KIRREL2: variants seen among roughly 807,000 people sequenced by gnomAD.
The protein encoded by KIRREL2 is kin of IRRE-like protein 2.
A neutral mutation model predicts 73.4 loss-of-function variants in KIRREL2; 56 were observed. The ratio of observed to expected loss-of-function variants is 0.76; its 90% confidence interval spans 0.62 to 0.95. The LOEUF (loss-of-function observed/expected upper bound fraction) is 0.95. KIRREL2 is among the 40% of genes least tolerant of loss of function. KIRREL2 has a pLI of 0.00. For missense variants in KIRREL2, 896 were observed against 935.0 expected, an observed-to-expected ratio of 0.96 and a Z score of 0.54; for synonymous variants, 407 against 404.0, an observed-to-expected ratio of 1.01 and a Z score of -0.09.
chr19:35,851,756 G>A, upstream of KIRREL2: 1 of 1,555,524 alleles, frequency 6.4e-7, no homozygotes, highest in Non-Finnish European at 8.7e-7. Context: ...TTGGCGCTGG[G>A]TACAAGGCTG....
chr19:35,852,233 T>C (rs1417815502), upstream of KIRREL2, among the ~76,000 whole-genome samples: 2 of 151,984 alleles, frequency 1.3e-5, no homozygotes, highest in South Asian at 2.1e-4. Context: ...CCAGTCTCTT[T>C]ATCTTTCCAT....
chr19:35,856,248 C>T (rs1973418290), upstream of KIRREL2, among the ~76,000 whole-genome samples: 3 of 152,192 alleles, frequency 2.0e-5, no homozygotes, highest in African/African-American at 7.2e-5. The surrounding 1 kb of genome is among the most constrained non-coding windows in gnomAD (Gnocchi z 5.9). Context: ...GGCACCGCCG[C>T]CTCCCAGCCG....
chr19:35,863,141 G>A, intron 13 of KIRREL2, 105 bp downstream of exon 13: 1 of 663,790 alleles, frequency 1.5e-6, no homozygotes, highest in Non-Finnish European at 2.6e-6. Context: ...GCCAGGCATG[G>A]TGCCTGACGT....
chr19:35,864,727 G>A lies in KIRREL2; in HGVS notation c.1791+14G>A. On this transcript the variant is annotated intron_variant, in intron 14 of 14. Transcript: ENST00000360202. ...CTGGAGACCAAGGTGAGTGTTGAGAGGGGTGGGGCTCCCTTCACTGTTGGG... is the reference window on the plus strand; with the variant it reads ...CTGGAGACCAAGGTGAGTGTTGAGAAGGGTGGGGCTCCCTTCACTGTTGGG... 1 of 1,597,562 alleles carries A rather than the reference G, an allele frequency of 6.3e-7. No individual in the cohort carries two copies. Among genetic ancestry groups the A allele is most frequent in the Non-Finnish European group, 8.6e-7 (1 of 1,165,042 alleles).
chr19:35,851,485 C>T (rs369681703), upstream of KIRREL2: 90 of 1,613,604 alleles, frequency 5.6e-5, no homozygotes, highest in African/African-American at 1.1e-3. Flanking sequence ...CCAGGCGGTA[C>T]CTCGGGAAGC....
Position 35,866,598 on chromosome 19 carries a change from A to G in KIRREL2, c.*106A>G. Reference sequence around the variant, plus strand: ...GGCGACCTTACTCCTCCAAAACTGAACACAAGGGGAGGGAAAGATCATTAC... The same window carrying G: ...GGCGACCTTACTCCTCCAAAACTGAGCACAAGGGGAGGGAAAGATCATTAC... On this transcript the variant is annotated 3_prime_UTR_variant, in exon 15 of 15. Coordinates refer to ENST00000360202, the MANE Select transcript of KIRREL2 (RefSeq NM_199180.4). 5 of 1,468,498 alleles carry G rather than the reference A, an allele frequency of 3.4e-6. No homozygotes were observed. In the South Asian group the frequency reaches 4.7e-5, roughly 14 times the overall value. The allele number at this position is 1,468,498 out of a possible 1,614,324, so 91.0% of individuals were successfully genotyped here.
Position 35,860,418 on chromosome 19 carries a change from C to G in KIRREL2, c.779+16C>G, listed in dbSNP as rs1327380087. ...CAGGCTACAGGTGAGGACGAAGACCCACCTCTCCCCAGCCCCAAGAGTGAG... is the reference window on the plus strand; with the variant it reads ...CAGGCTACAGGTGAGGACGAAGACCGACCTCTCCCCAGCCCCAAGAGTGAG... On this transcript the variant is annotated intron_variant, in intron 6 of 14. Coordinates refer to ENST00000360202, the MANE Select transcript of KIRREL2 (RefSeq NM_199180.4). 1 of 1,610,794 alleles carries G rather than the reference C, an allele frequency of 6.2e-7. No homozygotes were observed.
At chr19:35,856,321 T>G (rs1302769171), upstream of KIRREL2, among the ~76,000 whole-genome samples, 1 of 152,170 alleles carries the variant, frequency 6.6e-6, no homozygotes, top group Non-Finnish European at 1.5e-5. The surrounding 1 kb of genome is among the most constrained non-coding windows in gnomAD (Gnocchi z 5.9). Flanking sequence ...GGGCTGGGAC[T>G]GCGGGGTCCT....
rs762654118 is a variant in KIRREL2 at position 35,864,664 on chromosome 19, C to T, written c.1742C>T (p.Thr581Ile). Residue 581 changes from threonine (T) to isoleucine (I), a missense_variant, in exon 14 of 15, where the codon ACT (threonine) becomes ATT (isoleucine). Thr to Ile is a moderately conservative substitution (Grantham distance 89). Transcript: ENST00000360202. Reference sequence around the variant, plus strand: ...CTACCCCAGGGCCCCATTGTGCACACTGACCACAGTGATCTGGTTCTGGAG... The same window carrying T: ...CTACCCCAGGGCCCCATTGTGCACATTGACCACAGTGATCTGGTTCTGGAG... ...SREDRGPIVH[T>I]DHSDLVLEEE... 1 of 1,613,036 alleles carries T rather than the reference C, an allele frequency of 6.2e-7. No homozygotes were observed. The highest frequency in any genetic ancestry group is 8.5e-7 in the Non-Finnish European group (1 of 1,179,088).
In KIRREL2 at chr19:35,860,509, A is replaced by G. The variant is rs745693604; in HGVS notation, c.780-10A>G. The G allele has an allele frequency of 1.3e-5, 21 of 1,602,520 alleles. No homozygotes were observed. The highest frequency in any genetic ancestry group is 8.0e-5 in the African/African-American group (6 of 74,874). On this transcript the variant is annotated splice_polypyrimidine_tract_variant and intron_variant, in intron 6 of 14. Coordinates refer to ENST00000360202, the MANE Select transcript of KIRREL2 (RefSeq NM_199180.4). ...CCAGGACAACGTTAACAGCGCCACC[A>G]TTTCCTCAGGTGGGCAAAAGGGGGC...
Position 35,866,872 on chromosome 19 carries a change from A to G in KIRREL2, c.*380A>G, listed in dbSNP as rs979631630. ...CATCTGCATTGAGAGGAAAGGTAGC[A>G]TAGGATAGATGAAGATGAAGAGCAT... On this transcript the variant is annotated 3_prime_UTR_variant, in exon 15 of 15. Coordinates refer to ENST00000360202, the MANE Select transcript of KIRREL2 (RefSeq NM_199180.4). 2.2e-5 allele frequency: 7 copies of G among 324,174 alleles called. No homozygotes were observed. Among genetic ancestry groups the G allele is most frequent in the African/African-American group, 1.6e-4 (7 of 44,682 alleles). The allele number at this position is 324,174 out of a possible 1,614,324, so 20.1% of individuals were successfully genotyped here.
chr19:35,855,658 C>G, upstream of KIRREL2, among the ~76,000 whole-genome samples: 1 of 20,198 alleles, frequency 5.0e-5, no homozygotes, highest in Non-Finnish European at 1.0e-4. Context: ...CCTCCCCATA[C>G]ACACACACAC....
At chr19:35,854,733 C>T (rs1973367665), upstream of KIRREL2, among the ~76,000 whole-genome samples, 1 of 151,408 alleles carries the variant, frequency 6.6e-6, no homozygotes, top group Non-Finnish European at 1.5e-5. Flanking sequence ...CTCTATATGT[C>T]TCTGTTATTC....
At chr19:35,860,136 CTG>C (rs910175595) in intron 5 of KIRREL2, among the ~76,000 whole-genome samples, 159 bp from the exon 6 acceptor site, 8 of 152,134 alleles carry the variant, frequency 5.3e-5, no homozygotes, top group Non-Finnish European at 1.2e-4. Context: ...ATTGAGGTAA[CTG>C]GGGAAATTGG....
Position 35,857,485 on chromosome 19 carries a change from G to C in KIRREL2, c.202G>C (p.Asp68His). 1 of 1,592,346 alleles carries C rather than the reference G, an allele frequency of 6.3e-7. No individual in the cohort carries two copies. The highest frequency in any genetic ancestry group is 8.5e-7 in the Non-Finnish European group (1 of 1,170,716). The part of the protein sequence containing the change: ...KSGLALGGQR[D>H]LPGWSRYWIS... ...TGGGCTGGCCCTAGGGGGCCAAAGG[G>C]ACCTACCAGGTAAGAGTGTTCTCTC... The change falls in exon 2 of 15, where the codon GAC becomes CAC. Residue 68 changes from aspartate to histidine, a missense_variant. Asp to His is a moderately conservative substitution (Grantham distance 81, BLOSUM62 -1). Transcript: ENST00000360202.
At chr19:35,860,733 G>A (rs938271709) in intron 7 of KIRREL2, 66 bp downstream of exon 7, 23 of 1,590,606 alleles carry the variant, frequency 1.4e-5, no homozygotes, top group African/African-American at 2.7e-5. Context: ...GTTGAGGGTC[G>A]GGGCCTGGAG....
chr19:35,856,859 G>A (rs534301023), upstream of KIRREL2: 26 of 548,048 alleles, frequency 4.7e-5, no homozygotes, highest in Admixed American at 5.7e-4. The surrounding 1 kb of genome is among the most constrained non-coding windows in gnomAD (Gnocchi z 5.9). Flanking sequence ...CGGAGCTCCC[G>A]GGGGGCGGAC....
chr19:35,851,596 C>G (rs757545314), upstream of KIRREL2: 8 of 1,613,840 alleles, frequency 5.0e-6, no homozygotes, highest in Admixed American at 1.7e-5. Flanking sequence ...CTGAGGCCCC[C>G]TCCACCACCG....
chr19:35,858,905 G>A, intron 4 of KIRREL2, 41 bp downstream of exon 4: 1 of 1,608,134 alleles, frequency 6.2e-7, no homozygotes, highest in Non-Finnish European at 8.5e-7. Context: ...CCCATTGAGG[G>A]AAACTTGGGT....
Sources: gnomAD v4.1 joint callset for allele counts (sites outside exome capture counted in the v4.1 genomes callset) on GRCh38, gnomAD v4.1.1 for gene constraint, Gnocchi (gnomAD v3.1) non-coding constraint, MANE v1.5 for transcripts, NCBI Gene and HGNC (gene_info 2026-07-23, HGNC 2026-07-21) for gene names.